The following MSANTD1 variants were observed in gnomAD, a reference collection of about 807,000 sequenced individuals.
MSANTD1 encodes the protein myb/SANT-like DNA-binding domain-containing protein 1.
Under a neutral mutation model 24.2 loss-of-function variants are expected in MSANTD1, and 7 were observed. That is an observed-to-expected ratio of 0.29 (90% CI 0.16 to 0.54). The LOEUF (loss-of-function observed/expected upper bound fraction) is 0.54, where lower values mean the gene tolerates loss of function less well. MSANTD1 is among the 20% of genes least tolerant of loss of function. The probability of loss-of-function intolerance (pLI) is 0.94; values close to 1 mark genes in which losing one functional copy is unlikely to be tolerated. For missense variants in MSANTD1, 384 were observed against 408.2 expected (o/e 0.94, Z 0.51); for synonymous variants, 177 against 181.1 (o/e 0.98, Z 0.18).
chr4:3,250,493 G>C (rs957881529), intron 1 of MSANTD1, among the ~76,000 whole-genome samples: 1 of 152,218 alleles, frequency 6.6e-6, no homozygotes, highest in Non-Finnish European at 1.5e-5. Context: ...CACAGGTGCG[G>C]TGAGGGTCTT....
At position 3,249,484 on chromosome 4, in the gene MSANTD1, G is replaced by C. The variant is rs1387779853; in HGVS notation, c.262G>C (p.Glu88Gln). 1.9e-6 allele frequency: 3 copies of C among 1,612,114 alleles called. No individual in the cohort carries two copies. The highest frequency in any genetic ancestry group is 2.2e-5 in the East Asian group (1 of 44,866). ...MASKLFEMTGERRLGEEIKIK... is the reference protein window; with the variant it reads ...MASKLFEMTGQRRLGEEIKIK... ...CAGCAAGCTCTTCGAGATGACCGGC[G>C]AGCGCAGGCTGGGCGAGGAGATCAA... The change falls in exon 1 of 3, where the codon GAG becomes CAG. Residue 88 changes from glutamate to glutamine, a missense_variant. By Grantham distance (29) the Glu-to-Gln change is conservative. Coordinates refer to ENST00000438480, the MANE Select transcript of MSANTD1 (RefSeq NM_001042690.2).
rs1722375700 is a variant in MSANTD1 at position 3,255,905 on chromosome 4, G to C, written c.777G>C (p.Leu259=). 1 of 1,545,778 alleles carries C rather than the reference G, an allele frequency of 6.5e-7. No homozygotes were observed. Among genetic ancestry groups the C allele is most frequent in the African/African-American group, 1.4e-5 (1 of 73,096 alleles). The change falls in exon 3 of 3, where the codon CTG becomes CTC. Residue 259 remains leucine (L), a synonymous_variant. Coordinates refer to ENST00000438480, the MANE Select transcript of MSANTD1 (RefSeq NM_001042690.2). ...AGCACATCCTGCAGGTGCAGAGCCT[G>C]CAGCTGCAGGAGCGCATGATGAGTC... ...DQQHILQVQS[L]QLQERMMSLL...
chr4:3,255,733 A>C lies in MSANTD1; in HGVS notation c.605A>C (p.Glu202Ala). The C allele has an allele frequency of 1.3e-6, 2 of 1,540,410 alleles. No individual in the cohort carries two copies. Among genetic ancestry groups the C allele is most frequent in the Non-Finnish European group, 1.7e-6 (2 of 1,143,008 alleles). The change falls in exon 3 of 3, where the codon GAG becomes GCG. Residue 202 changes from glutamate to alanine, a missense_variant. Physicochemically the swap from Glu to Ala is moderately radical, Grantham distance 107. Coordinates refer to ENST00000438480, the MANE Select transcript of MSANTD1 (RefSeq NM_001042690.2). Reference sequence around the variant, plus strand: ...CGGCACTGTCCTTCCAGGTCGGAGGAGCGGCCGGTGAAGAAGCGCAAGGTG... The same window carrying C: ...CGGCACTGTCCTTCCAGGTCGGAGGCGCGGCCGGTGAAGAAGCGCAAGGTG... ...SLLSLKFRSE[E>A]RPVKKRKVQS...
chr4:3,255,081 G>A (rs561379535), intron 2 of MSANTD1, among the ~76,000 whole-genome samples: 29 of 152,338 alleles, frequency 1.9e-4, no homozygotes, highest in African/African-American at 6.3e-4. Flanking sequence ...TGGGTGAAGG[G>A]TGCTCCCTGG....
chr4:3,250,354 G>A (rs1187431770), intron 1 of MSANTD1, among the ~76,000 whole-genome samples: 2 of 152,204 alleles, frequency 1.3e-5, no homozygotes, highest in Non-Finnish European at 2.9e-5. Context: ...AGATGTTGGC[G>A]TCTAGGAGGG....
upstream of MSANTD1, among the ~76,000 whole-genome samples, chr4:3,245,692 TC>T: frequency 6.6e-6 from 1 of 152,162 alleles, no homozygotes; most frequent in South Asian, 2.1e-4. Flanking sequence ...CATGTGGACA[TC>T]GCTTGCGGGT....
At chr4:3,253,568 C>T (rs1011009114) in intron 2 of MSANTD1, 86 bp downstream of exon 2, 51 of 1,355,372 alleles carry the variant, frequency 3.8e-5, no homozygotes, top group Middle Eastern at 1.9e-4. Context: ...GCAAGGCCGG[C>T]GGCGGCGGCC....
chr4:3,252,599 C>T (rs1474845213), intron 1 of MSANTD1, among the ~76,000 whole-genome samples: 3 of 152,298 alleles, frequency 2.0e-5, no homozygotes, highest in Admixed American at 2.0e-4. Context: ...ATCACTATGT[C>T]ATTGATATAA....
At chr4:3,251,992 G>A (rs576606117) in intron 1 of MSANTD1, among the ~76,000 whole-genome samples, 40 of 152,352 alleles carry the variant, frequency 2.6e-4, no homozygotes, top group African/African-American at 7.2e-4. Flanking sequence ...ATCTGGCTGT[G>A]CCTGTTTGCT....
rs902132256 is a variant in MSANTD1 at position 3,255,985 on chromosome 4, G to A, written c.*20G>A. The A allele has an allele frequency of 2.8e-5, 41 of 1,485,348 alleles. No homozygotes were observed. Among genetic ancestry groups the A allele is most frequent in the South Asian group, 1.3e-4 (10 of 74,478 alleles). The allele number at this position is 1,485,348 out of a possible 1,614,324, so 92.0% of individuals were successfully genotyped here. ...GTCTAGGCCAGCAGGCGGCGGCGGC[G>A]GCGGGGCCGGGCGGCTGGTGGTACT... is the stretch of plus-strand genomic sequence containing the variant. On this transcript the variant is annotated 3_prime_UTR_variant, in exon 3 of 3. Coordinates refer to ENST00000438480, the MANE Select transcript of MSANTD1 (RefSeq NM_001042690.2).
chr4:3,255,852 C>G lies in MSANTD1; in HGVS notation c.724C>G (p.Arg242Gly), dbSNP rs1024795867. 1.3e-6 allele frequency: 2 copies of G among 1,545,372 alleles called. No homozygotes were observed. The highest frequency in any genetic ancestry group is 1.4e-5 in the African/African-American group (1 of 73,110). Residue 242 changes from arginine (R) to glycine (G), a missense_variant, in exon 3 of 3, where the codon CGC (arginine) becomes GGC (glycine). Arg to Gly is a moderately radical substitution (Grantham distance 125, BLOSUM62 -2). Transcript: ENST00000438480. ...GAGCCGCGCCGTGGAGGAGACCTGC[C>G]GCGAGGTGCGCCGCGTGCTGGACCA... ...RLSRAVEETCREVRRVLDQQH... is the reference protein window; with the variant it reads ...RLSRAVEETCGEVRRVLDQQH...
chr4:3,255,996 G>T lies in MSANTD1; in HGVS notation c.*31G>T. 1 of 1,481,424 alleles carries T rather than the reference G, an allele frequency of 6.8e-7. No homozygotes were observed. Among genetic ancestry groups the T allele is most frequent in the Non-Finnish European group, 8.9e-7 (1 of 1,117,866 alleles). The allele number at this position is 1,481,424 out of a possible 1,614,324, so 91.8% of individuals were successfully genotyped here. On this transcript the variant is annotated 3_prime_UTR_variant, in exon 3 of 3. Coordinates refer to ENST00000438480, the MANE Select transcript of MSANTD1 (RefSeq NM_001042690.2). ...CAGGCGGCGGCGGCGGCGGGGCCGG[G>T]CGGCTGGTGGTACTGCTCAGGCCAC...
intron 2 of MSANTD1, among the ~76,000 whole-genome samples, chr4:3,254,016 T>G (rs961202776): frequency 6.6e-6 from 1 of 152,126 alleles, no homozygotes; most frequent in African/African-American, 2.4e-5. Flanking sequence ...ACCCGTCCCG[T>G]GCTGGCCACG....
At chr4:3,249,627 T>G in intron 1 of MSANTD1, 85 bp downstream of exon 1, 1 of 1,341,666 alleles carries the variant, frequency 7.5e-7, no homozygotes, top group Non-Finnish European at 1.0e-6. Flanking sequence ...GAGCTCTGAG[T>G]CGGGACGATG....
intron 2 of MSANTD1, among the ~76,000 whole-genome samples, chr4:3,254,220 T>C (rs1722318076): frequency 6.6e-6 from 1 of 152,134 alleles, no homozygotes; most frequent in African/African-American, 2.4e-5. Flanking sequence ...GAGTCACAGC[T>C]TCTCCCCTGC....
At chr4:3,249,053 A>G (rs1334969425), upstream of MSANTD1, 10 of 542,060 alleles carry the variant, frequency 1.8e-5, no homozygotes, top group South Asian at 4.9e-4. Flanking sequence ...CTTTCAGTTA[A>G]AAGGTTTCTG....
chr4:3,249,055 A>T, upstream of MSANTD1: 2 of 538,682 alleles, frequency 3.7e-6, no homozygotes, highest in Non-Finnish European at 3.0e-6. Flanking sequence ...TTCAGTTAAA[A>T]GGTTTCTGTT....
chr4:3,249,588 G>T, intron 1 of MSANTD1, 46 bp downstream of exon 1: 1 of 1,527,148 alleles, frequency 6.5e-7, no homozygotes, highest in Non-Finnish European at 8.9e-7. Flanking sequence ...GGCGGGCCCG[G>T]GCGTGGCGGG....
chr4:3,244,317 A>C (rs1273356830), upstream of MSANTD1: 1 of 152,348 alleles, frequency 6.6e-6, no homozygotes, highest in East Asian at 1.9e-4. Context: ...TATGACATAC[A>C]CAAGCCTCAG....
Sources: allele counts gnomAD v4.1 joint callset (sites outside exome capture counted in the v4.1 genomes callset), GRCh38; gene constraint gnomAD v4.1.1; transcripts MANE v1.5; gene names NCBI Gene and HGNC (gene_info 2026-07-23, HGNC 2026-07-21).